CPLANE1: variants seen among roughly 807,000 people sequenced by gnomAD.
CPLANE1 encodes ciliogenesis and planar polarity effector complex subunit 1, also known as ciliogenesis and planar polarity effector 1.
CPLANE1 carries 263 observed loss-of-function variants against 362.5 expected under a neutral mutation model. That is an observed-to-expected ratio of 0.73 (90% confidence interval 0.66 to 0.80). The LOEUF is 0.80. CPLANE1 is among the 30% of genes least tolerant of loss of function. The probability of loss-of-function intolerance (pLI) is 0.00; values close to 1 mark genes in which losing one functional copy is unlikely to be tolerated. For missense variants in CPLANE1, 3,461 were observed against 3,793.4 expected (o/e 0.91, Z 2.30); for synonymous variants, 1,212 against 1,302.6 (o/e 0.93, Z 1.50).
At chr5:37,098,923 C>CAAAAAA in the CPLANE1 span, among the ~76,000 whole-genome samples, 247 of 50,568 alleles carry the variant, frequency 4.9e-3, no homozygotes, top group East Asian at 7.4e-3. Flanking sequence ...ATGCCTACAT[C>CAAAAAA]AAAAAAAAAA....
At position 37,127,979 on chromosome 5, in the gene CPLANE1, G is replaced by A. The variant is rs559076658; in HGVS notation, c.8793-2570C>T. On this transcript the variant is annotated intron_variant, in intron 46 of 52. Coordinates refer to ENST00000651892, the MANE Select transcript of CPLANE1 (RefSeq NM_001384732.1). ...ACTTAAGCCTGGGGAGGTTGAGGCT[G>A]CAGTAAGCCATGATTGTGCCACTGC... Among the ~76,000 whole-genome samples, 155 of 152,184 alleles carry A rather than the reference G, an allele frequency of 1.0e-3. 1 individual carries two copies. Among genetic ancestry groups the A allele is most frequent in the African/African-American group, 3.5e-3 (145 of 41,518 alleles).
At chr5:37,105,956 A>G (rs894878530), downstream of CPLANE1, among the ~76,000 whole-genome samples, 16 of 152,178 alleles carry the variant, frequency 1.1e-4, no homozygotes, top group African/African-American at 3.9e-4. Flanking sequence ...CAATACCATA[A>G]TGAGGTATCG....
intron 50 of CPLANE1, among the ~76,000 whole-genome samples, chr5:37,118,498 A>G (rs1009824371): frequency 6.6e-6 from 1 of 151,892 alleles, no homozygotes; most frequent in African/African-American, 2.4e-5. Context: ...AAATTGAGGC[A>G]GCATACTGAA....
chr5:37,140,691 A>T (rs1769433246), intron 44 of CPLANE1: 11 of 985,424 alleles, frequency 1.1e-5, no homozygotes, highest in Non-Finnish European at 1.3e-5. Flanking sequence ...ATTAGCGAAG[A>T]TGGTGACCTC....
rs1156598682 is a variant in CPLANE1, at chr5:37,183,520, A to C, written c.4661T>G (p.Leu1554Arg). The change falls in exon 26 of 53, where the codon CTT (leucine) becomes CGT (arginine). Residue 1554 changes from leucine to arginine, a missense_variant. By Grantham distance (102) the Leu-to-Arg change is moderately radical (BLOSUM62 -2). Around this residue, in one of 2 missense-constraint regions of CPLANE1, gnomAD observed 3,380 missense variants for 3,666.1 expected, o/e 0.92. Coordinates refer to ENST00000651892, the MANE Select transcript of CPLANE1 (RefSeq NM_001384732.1). Reference sequence around the variant, plus strand: ...AAGAATGTAACTCAAAAACAGATCAAGGAATTTAATATATTCATCATCATC... The same window carrying C: ...AAGAATGTAACTCAAAAACAGATCACGGAATTTAATATATTCATCATCATC... ...ERDDDEYIKFLDLFLSYILER... is the reference protein window; with the variant it reads ...ERDDDEYIKFRDLFLSYILER... The C allele has an allele frequency of 6.2e-7, 1 of 1,613,728 alleles. No homozygotes were observed. The highest frequency in any genetic ancestry group is 8.5e-7 in the Non-Finnish European group (1 of 1,179,724).
At chr5:37,211,144 T>A (rs1792482323) in intron 16 of CPLANE1, 10 of 1,219,122 alleles carry the variant, frequency 8.2e-6, no homozygotes, top group Non-Finnish European at 1.2e-5. Flanking sequence ...AACAATCCTT[T>A]TAAACAGGAA....
At chr5:37,213,470 T>C in intron 16 of CPLANE1, 89 bp downstream of exon 16, 1 of 820,564 alleles carries the variant, frequency 1.2e-6, no homozygotes, top group Admixed American at 3.5e-5. Context: ...AACAGTATCA[T>C]TGAGTAATGG....
chr5:37,121,748 T>C lies in CPLANE1; in HGVS notation c.9054A>G (p.Ser3018=). ...LLSEHYSRRI[S]QAYGLMNELL... ...GTTCATTCATCAGACCGTACGCTTG[T>C]GAGATTCGACGACTATAGTGTTCAG... Residue 3018 remains serine (S), a synonymous_variant, in exon 49 of 53, where the codon TCA becomes TCG. Coordinates refer to ENST00000651892, the MANE Select transcript of CPLANE1 (RefSeq NM_001384732.1). The C allele has an allele frequency of 6.2e-7, 1 of 1,613,368 alleles. No homozygotes were observed. Among genetic ancestry groups the C allele is most frequent in the Non-Finnish European group, 8.5e-7 (1 of 1,179,280 alleles).
rs968241708 is a variant in CPLANE1, at chr5:37,244,451, A to C, written c.494T>G (p.Ile165Arg). 8 of 1,551,544 alleles carry C rather than the reference A, an allele frequency of 5.2e-6. No homozygotes were observed. The highest frequency in any genetic ancestry group is 7.0e-6 in the Non-Finnish European group (8 of 1,146,982). ...AGGCAAGAGAACTGCTTCTTCAGGT[A>C]TGACCTGGGACCACCGACCCGCCAA... ...LSLAGRWSQVIPEEAVLLPST... is the reference protein window; with the variant it reads ...LSLAGRWSQVRPEEAVLLPST... The change falls in exon 5 of 53, where the codon ATA becomes AGA. Residue 165 changes from isoleucine (I) to arginine (R), a missense_variant. This residue lies in a region of CPLANE1 where 3,380 missense variants were observed against 3,666.1 expected (regional missense o/e 0.92). Coordinates refer to ENST00000651892, the MANE Select transcript of CPLANE1 (RefSeq NM_001384732.1).
At chr5:37,225,392 G>A (rs1012866958) in intron 12 of CPLANE1, among the ~76,000 whole-genome samples, 14 of 152,086 alleles carry the variant, frequency 9.2e-5, no homozygotes, top group Non-Finnish European at 5.9e-5. Context: ...TGGGATTACA[G>A]GCACATGCCA....
chr5:37,193,208 T>C (rs1786165382), intron 21 of CPLANE1, among the ~76,000 whole-genome samples: 1 of 152,026 alleles, frequency 6.6e-6, no homozygotes, highest in African/African-American at 2.4e-5. Flanking sequence ...CTTCATCTGT[T>C]CACTACATAT....
chr5:37,205,323 T>C lies in CPLANE1; in HGVS notation c.3281A>G (p.Gln1094Arg). 1 of 1,550,640 alleles carries C rather than the reference T, an allele frequency of 6.4e-7. No homozygotes were observed. The highest frequency in any genetic ancestry group is 8.7e-7 in the Non-Finnish European group (1 of 1,146,642). Reference protein sequence around the residue: ...AKNEMGSKYKQFTDPIEEEDA... With the variant: ...AKNEMGSKYKRFTDPIEEEDA... The stretch of plus-strand genomic sequence containing the variant: ...ATACATACATAACACACCTGTAAAC[T>C]GTTTATATTTTGAGCCCATTTCATT... Residue 1094 changes from glutamine (Q) to arginine (R), a missense_variant, in exon 18 of 53, where the codon CAG (glutamine) becomes CGG (arginine). Gln to Arg is a conservative substitution (Grantham distance 43). Coordinates refer to ENST00000651892, the MANE Select transcript of CPLANE1 (RefSeq NM_001384732.1).
chr5:37,194,165 G>A (rs368446994), intron 21 of CPLANE1, among the ~76,000 whole-genome samples: 11 of 151,790 alleles, frequency 7.2e-5, no homozygotes, highest in African/African-American at 7.2e-5. Context: ...CTTGTGATCC[G>A]CCCAACTCAT....
intron 32 of CPLANE1, among the ~76,000 whole-genome samples, chr5:37,172,772 G>T (rs1205838700): frequency 6.6e-6 from 1 of 152,172 alleles, no homozygotes; most frequent in Non-Finnish European, 1.5e-5. Context: ...GATCACCTGA[G>T]GTCAGGAGTT....
At chr5:37,176,956 C>T (rs1021568294) in intron 30 of CPLANE1, among the ~76,000 whole-genome samples, 10 of 152,076 alleles carry the variant, frequency 6.6e-5, no homozygotes, top group Non-Finnish European at 1.3e-4. Context: ...GACAGGGTTT[C>T]ACCGTGTTAG....
chr5:37,242,928 C>T (rs1051464191), intron 6 of CPLANE1, 85 bp downstream of exon 6: 51 of 838,112 alleles, frequency 6.1e-5, no homozygotes, highest in Non-Finnish European at 9.5e-5. Context: ...TGCCACTACC[C>T]CCCAGTCTGG....
the CPLANE1 span, among the ~76,000 whole-genome samples, chr5:37,098,170 G>T: frequency 6.6e-6 from 1 of 151,662 alleles, no homozygotes; most frequent in African/African-American, 2.4e-5. Flanking sequence ...GAGGCGGGTG[G>T]ATCACAAGAT....
the CPLANE1 span, among the ~76,000 whole-genome samples, chr5:37,095,951 T>A: frequency 1.3e-5 from 2 of 152,126 alleles, no homozygotes; most frequent in African/African-American, 2.4e-5. Flanking sequence ...TCGAAACACA[T>A]CCCATGCTCA....
In CPLANE1 at chr5:37,120,206, T is replaced by C. The variant is rs1341281161; in HGVS notation, c.9310+10A>G. The C allele has an allele frequency of 6.3e-7, 1 of 1,593,826 alleles. No homozygotes were observed. Among genetic ancestry groups the C allele is most frequent in the African/African-American group, 1.4e-5 (1 of 73,382 alleles). On this transcript the variant is annotated intron_variant, in intron 50 of 52. Coordinates refer to ENST00000651892, the MANE Select transcript of CPLANE1 (RefSeq NM_001384732.1). ...AATCAGACAATTTATAAAAAAGCTT[T>C]AAGTCTTACCATGTGGCCAAGGTGA...
Sources: allele counts gnomAD v4.1 joint callset (sites outside exome capture counted in the v4.1 genomes callset), GRCh38; gene constraint gnomAD v4.1.1; regional missense constraint gnomAD v4.1.1; transcripts MANE v1.5; gene names NCBI Gene and HGNC (gene_info 2026-07-23, HGNC 2026-07-21).